The following DLGAP2 variants were observed in gnomAD, a reference collection of about 807,000 sequenced individuals.
DLGAP2 encodes the protein disks large-associated protein 2.
DLGAP2 carries 26 observed loss-of-function variants against 100.3 expected under a neutral mutation model. That is an observed-to-expected ratio of 0.26 (90% CI 0.19 to 0.36). The LOEUF is 0.36. Ranked by LOEUF, DLGAP2 falls within the 10% of genes least tolerant of loss-of-function variation. The pLI, the probability that DLGAP2 is intolerant of heterozygous loss-of-function variation, is 1.00. For missense variants in DLGAP2, 1,858 were observed against 1,453.2 expected (o/e 1.28, Z -4.53); for synonymous variants, 886 against 630.1 (o/e 1.41, Z -6.08).
intron 3 of DLGAP2, among the ~76,000 whole-genome samples, chr8:1,345,935 A>G (rs943148549): frequency 6.6e-6 from 1 of 152,206 alleles, no homozygotes; most frequent in African/African-American, 2.4e-5. Flanking sequence ...GGAAAGACAC[A>G]AGGCAGCGCT....
intron 4 of DLGAP2, among the ~76,000 whole-genome samples, chr8:1,532,475 A>G (rs1801017170): frequency 6.6e-6 from 1 of 152,188 alleles, no homozygotes. Context: ...TTTGTTTAAG[A>G]GTATTTTCAT....
chr8:1,113,651 A>C (rs1354637003), intron 2 of DLGAP2, among the ~76,000 whole-genome samples: 1 of 152,150 alleles, frequency 6.6e-6, no homozygotes, highest in East Asian at 1.9e-4. Context: ...AAACAGGGGT[A>C]CTTTGACTTC....
intron 6 of DLGAP2, among the ~76,000 whole-genome samples, chr8:1,593,674 A>G: frequency 6.8e-6 from 1 of 147,390 alleles, no homozygotes; most frequent in Non-Finnish European, 1.5e-5. Flanking sequence ...CACATCCAGC[A>G]CCCCAACTTT....
chr8:1,254,321 G>A (rs35112756), intron 2 of DLGAP2, among the ~76,000 whole-genome samples: 1 of 152,110 alleles, frequency 6.6e-6, no homozygotes, highest in Non-Finnish European at 1.5e-5. Flanking sequence ...GTCCATCAAG[G>A]CCTCGTGGTC....
At chr8:1,524,909 C>A (rs1255019238) in intron 4 of DLGAP2, among the ~76,000 whole-genome samples, 1 of 152,050 alleles carries the variant, frequency 6.6e-6, no homozygotes, top group East Asian at 1.9e-4. Flanking sequence ...CCTGCACACC[C>A]TTGGCCATTT....
rs1439007760 is a variant in DLGAP2 at position 1,237,351 on chromosome 8, A to C, written c.74-21500A>C. On this transcript the variant is annotated intron_variant, in intron 2 of 14. Coordinates refer to ENST00000637795, the MANE Select transcript of DLGAP2 (RefSeq NM_001346810.2). ...AGTTCTCTCACATGGTGCCGTGTCTAGTTCTCTCACATGGCGCCGTGTCTG... is the reference window on the plus strand; with the variant it reads ...AGTTCTCTCACATGGTGCCGTGTCTCGTTCTCTCACATGGCGCCGTGTCTG... Among the ~76,000 whole-genome samples the C allele has an allele frequency of 7.2e-5, 7 of 96,754 alleles. 1 individual carries two copies. Among genetic ancestry groups the C allele is most frequent in the African/African-American group, 3.7e-4 (7 of 18,944 alleles). The allele number at this position is 96,754 out of a possible 152,430, so 63.5% of individuals were successfully genotyped here. A position where few individuals can be genotyped will look rare whatever the true frequency, so the allele number is the denominator to read the frequency against.
At chr8:1,228,589 A>T (rs771413526) in intron 2 of DLGAP2, among the ~76,000 whole-genome samples, 11 of 152,222 alleles carry the variant, frequency 7.2e-5, no homozygotes, top group African/African-American at 2.7e-4. Flanking sequence ...GCAACATAGA[A>T]CATACCCAAC....
At chr8:1,607,487 A>G (rs6558501) in intron 6 of DLGAP2, among the ~76,000 whole-genome samples, 70,288 of 152,172 alleles carry the variant, frequency 0.46, 16,535 homozygotes, top group African/African-American at 0.55. Context: ...AATACATTTC[A>G]CAGTTGAAAT....
chr8:1,202,344 C>T (rs964192362), intron 2 of DLGAP2, among the ~76,000 whole-genome samples: 1 of 151,520 alleles, frequency 6.6e-6, no homozygotes, highest in African/African-American at 2.4e-5. Context: ...GGGCCAGGGG[C>T]AGGCACGGCT....
At chr8:1,105,860 A>T (rs1367349399) in intron 2 of DLGAP2, among the ~76,000 whole-genome samples, 1 of 71,208 alleles carries the variant, frequency 1.4e-5, no homozygotes, top group Non-Finnish European at 2.9e-5. Context: ...ACTGAGGGGG[A>T]CCATTCTAGG....
At chr8:1,555,382 C>T (rs1801929077) in intron 5 of DLGAP2, among the ~76,000 whole-genome samples, 1 of 152,206 alleles carries the variant, frequency 6.6e-6, no homozygotes, top group Non-Finnish European at 1.5e-5. Flanking sequence ...TCTATGTTCC[C>T]TGTCCTGTGG....
At chr8:814,948 A>C (rs1796437786) in intron 1 of DLGAP2, among the ~76,000 whole-genome samples, 2 of 152,122 alleles carry the variant, frequency 1.3e-5, no homozygotes, top group Admixed American at 1.3e-4. Flanking sequence ...TCTGAAGAAA[A>C]CATTAATGAA....
intron 3 of DLGAP2, among the ~76,000 whole-genome samples, chr8:1,329,566 A>T (rs945797892): frequency 6.6e-6 from 1 of 152,142 alleles, no homozygotes; most frequent in African/African-American, 2.4e-5. Flanking sequence ...GGGAAGTTCA[A>T]TTCGGTAGAT....
chr8:1,332,469 ATG>A (rs1162010184), intron 3 of DLGAP2, among the ~76,000 whole-genome samples: 7 of 151,952 alleles, frequency 4.6e-5, no homozygotes, highest in African/African-American at 9.7e-5. Context: ...GAGTATATGC[ATG>A]TGTGTGTGTG....
chr8:1,644,959 C>G (rs1798006445), intron 8 of DLGAP2, among the ~76,000 whole-genome samples: 1 of 152,222 alleles, frequency 6.6e-6, no homozygotes, highest in Non-Finnish European at 1.5e-5. Flanking sequence ...AATGAAATTA[C>G]TTGCTGGGCA....
At chr8:1,193,980 G>A (rs564054601) in intron 2 of DLGAP2, among the ~76,000 whole-genome samples, 163 of 152,278 alleles carry the variant, frequency 1.1e-3, no homozygotes, top group South Asian at 9.5e-3. Flanking sequence ...GAAGGAAGTC[G>A]TAGTATCTGA....
At chr8:845,703 G>A (rs1160710457) in intron 1 of DLGAP2, among the ~76,000 whole-genome samples, 4 of 152,136 alleles carry the variant, frequency 2.6e-5, no homozygotes, top group Non-Finnish European at 5.9e-5. Context: ...TGCTGCTTGT[G>A]CTTTTGATGT....
At chr8:1,511,033 C>G (rs563245076) in intron 4 of DLGAP2, among the ~76,000 whole-genome samples, 2 of 152,242 alleles carry the variant, frequency 1.3e-5, no homozygotes, top group African/African-American at 4.8e-5. Context: ...TTTGTTCTCC[C>G]CAGGGCATCA....
rs1799328830 is a variant in DLGAP2, at chr8:1,489,886, TA to T, written c.107-11478del. Among the ~76,000 whole-genome samples, 4 of 152,222 alleles carry T rather than the reference TA, an allele frequency of 2.6e-5. No individual in the cohort carries two copies. In the South Asian group the frequency reaches 8.3e-4, roughly 32 times the overall value. On this transcript the variant is annotated intron_variant, in intron 3 of 14. Transcript: ENST00000637795. ...CTGCTTTAATTGGGCATTCCAAGAT[TA>T]AGGCATATCAATTTTTTTTTTTAAG...
Sources: gnomAD v4.1 joint callset for allele counts (sites outside exome capture counted in the v4.1 genomes callset) on GRCh38, gnomAD v4.1.1 for gene constraint, MANE v1.5 for transcripts, NCBI Gene and HGNC (gene_info 2026-07-23, HGNC 2026-07-21) for gene names.